Variants in KIF27 observed in about 807,000 individuals in gnomAD.
The protein encoded by KIF27 is kinesin-like protein KIF27.
KIF27 carries 84 observed loss-of-function variants against 141.8 expected under a neutral mutation model. That is an observed-to-expected ratio of 0.59 (90% CI 0.50 to 0.71). The LOEUF is 0.71. Among genes scored for constraint, KIF27 ranks in the 30% least tolerant of loss-of-function variants. The pLI, the probability that KIF27 is intolerant of heterozygous loss-of-function variation, is 0.00. For missense variants in KIF27, 1,306 were observed against 1,628.4 expected (o/e 0.80, Z 3.41); for synonymous variants, 471 against 569.5 (o/e 0.83, Z 2.46).
chr9:83,885,461 T>C (rs746127168), intron 9 of KIF27, among the ~76,000 whole-genome samples: 1 of 152,212 alleles, frequency 6.6e-6, no homozygotes, highest in Non-Finnish European at 1.5e-5. Context: ...ATAAAAGTTA[T>C]TTAACTAAAT....
At chr9:83,912,690 T>C (rs1341976581) in intron 2 of KIF27, among the ~76,000 whole-genome samples, 2 of 152,160 alleles carry the variant, frequency 1.3e-5, no homozygotes, top group Non-Finnish European at 2.9e-5. Flanking sequence ...ATTCCTGAAA[T>C]AAACCATTTC....
chr9:83,907,339 T>TA (rs1280344350), intron 3 of KIF27, among the ~76,000 whole-genome samples: 37 of 136,308 alleles, frequency 2.7e-4, no homozygotes, highest in African/African-American at 9.6e-4. Context: ...AATAAATAAA[T>TA]AATATGTACA....
intron 13 of KIF27, among the ~76,000 whole-genome samples, chr9:83,861,196 T>C (rs1272985463): frequency 2.0e-5 from 3 of 151,628 alleles, no homozygotes; most frequent in Non-Finnish European, 4.4e-5. Flanking sequence ...TATATATATA[T>C]AACTTTAAGT....
intron 1 of KIF27, among the ~76,000 whole-genome samples, chr9:83,918,521 T>G (rs1276473087): frequency 3.3e-5 from 5 of 152,176 alleles, no homozygotes; most frequent in Non-Finnish European, 1.5e-5. Flanking sequence ...CTCAAAAAGT[T>G]TTTTAAAAAT....
chr9:83,899,629 A>T (rs755175916), intron 5 of KIF27, 32 bp downstream of exon 5: 1 of 1,580,438 alleles, frequency 6.3e-7, no homozygotes, highest in Non-Finnish European at 8.6e-7. Flanking sequence ...ATTTCAAGAA[A>T]ATCTACAGAG....
chr9:83,881,820 T>C (rs1442645833), intron 10 of KIF27, among the ~76,000 whole-genome samples: 1 of 152,204 alleles, frequency 6.6e-6, no homozygotes, highest in Non-Finnish European at 1.5e-5. Flanking sequence ...ATTAAAAATA[T>C]CAGTGTACAT....
At chr9:83,852,452 CAAAA>C (rs776901581) in intron 15 of KIF27, among the ~76,000 whole-genome samples, 1 of 103,852 alleles carries the variant, frequency 9.6e-6, no homozygotes, top group African/African-American at 3.5e-5. Flanking sequence ...GACTCTGTCT[CAAAA>C]AAAAAAAAAA....
rs2072444257 is a variant in KIF27, at chr9:83,859,164, A to G, written c.3142T>C (p.Ser1048Pro). Reference sequence around the variant, plus strand: ...AAAGAATACTGACTTACTTCAGGTGATAACACTCTACCATTTTTAAGTTTT... The same window carrying G: ...AAAGAATACTGACTTACTTCAGGTGGTAACACTCTACCATTTTTAAGTTTT... ...DEKLKNGRVL[S>P]PEEEHVLFQL... Residue 1048 changes from serine (S) to proline (P), a missense_variant, in exon 14 of 18, where the codon TCA (serine) becomes CCA (proline). Physicochemically the swap from Ser to Pro is moderately conservative, Grantham distance 74. Transcript: ENST00000297814. 1.9e-6 allele frequency: 3 copies of G among 1,609,822 alleles called. No homozygotes were observed. The highest frequency in any genetic ancestry group is 1.7e-6 in the Non-Finnish European group (2 of 1,176,050).
chr9:83,911,716 G>C (rs1955188158), intron 2 of KIF27, among the ~76,000 whole-genome samples: 1 of 151,996 alleles, frequency 6.6e-6, no homozygotes, highest in South Asian at 2.1e-4. Flanking sequence ...TGGTTTTTTT[G>C]TATTTATAGT....
intron 12 of KIF27, among the ~76,000 whole-genome samples, chr9:83,869,480 A>G (rs1224342992): frequency 1.3e-5 from 2 of 152,196 alleles, no homozygotes; most frequent in Non-Finnish European, 2.9e-5. Context: ...TCACACCTGT[A>G]ATCCCAGCAC....
Position 83,836,203 on chromosome 9 carries a change from C to T in KIF27, c.*798G>A, listed in dbSNP as rs961808538. ...AGCTTTACAGACATACTCCATGTGA[C>T]CAGAGATGTCATAACCAGTGTTCTT... On this transcript the variant is annotated 3_prime_UTR_variant, in exon 18 of 18. Coordinates refer to ENST00000297814, the MANE Select transcript of KIF27 (RefSeq NM_017576.4). 1.2e-4 allele frequency among the ~76,000 whole-genome samples: 18 copies of T among 152,048 alleles called. No individual in the cohort carries two copies. Among genetic ancestry groups the T allele is most frequent in the African/African-American group, 4.3e-4 (18 of 41,412 alleles).
intron 2 of KIF27, among the ~76,000 whole-genome samples, chr9:83,909,657 G>C (rs962120245): frequency 2.7e-5 from 4 of 148,554 alleles, no homozygotes; most frequent in African/African-American, 9.9e-5. Flanking sequence ...TATTTGAAAA[G>C]TCCCAGGAAT....
chr9:83,904,039 T>C, intron 3 of KIF27, 21 bp from the exon 4 acceptor site: 1 of 1,546,138 alleles, frequency 6.5e-7, no homozygotes. Flanking sequence ...TAATAACATG[T>C]TTTTAAGCCA....
chr9:83,902,017 C>T (rs923692501), intron 4 of KIF27, among the ~76,000 whole-genome samples: 1 of 152,084 alleles, frequency 6.6e-6, no homozygotes, highest in African/African-American at 2.4e-5. Context: ...ACAGATATAA[C>T]CCACATAAAC....
At chr9:83,846,575 T>C (rs1270818246) in intron 16 of KIF27, among the ~76,000 whole-genome samples, 2 of 152,154 alleles carry the variant, frequency 1.3e-5, no homozygotes, top group African/African-American at 2.4e-5. Context: ...TGGGACAAAG[T>C]TCTCCAGAAG....
At chr9:83,845,553 C>G (rs923943882) in intron 16 of KIF27, among the ~76,000 whole-genome samples, 1 of 152,170 alleles carries the variant, frequency 6.6e-6, no homozygotes, top group Non-Finnish European at 1.5e-5. Context: ...AAGACTAGGG[C>G]CTGGTTCACA....
chr9:83,911,798 T>C (rs957061911), intron 2 of KIF27, among the ~76,000 whole-genome samples: 3 of 152,114 alleles, frequency 2.0e-5, no homozygotes, highest in African/African-American at 7.2e-5. Flanking sequence ...CCCAAAGTAC[T>C]GGGATTACAG....
intron 3 of KIF27, 64 bp downstream of exon 3, chr9:83,908,384 AACTT>A: frequency 1.2e-6 from 1 of 827,072 alleles, no homozygotes; most frequent in Non-Finnish European, 1.8e-6. Flanking sequence ...TATATCCAGA[AACTT>A]AATTAAAGCA....
At chr9:83,870,356 G>A (rs1242497892) in intron 12 of KIF27, among the ~76,000 whole-genome samples, 163 bp downstream of exon 12, 4 of 152,036 alleles carry the variant, frequency 2.6e-5, no homozygotes, top group African/African-American at 7.2e-5. Flanking sequence ...TAGTAGAGAC[G>A]GGGTTTTACC....
Sources: gnomAD v4.1 joint callset for allele counts (sites outside exome capture counted in the v4.1 genomes callset) on GRCh38, gnomAD v4.1.1 for gene constraint, MANE v1.5 for transcripts, NCBI Gene and HGNC (gene_info 2026-07-23, HGNC 2026-07-21) for gene names.